ROBO2: variants seen among roughly 807,000 people sequenced by gnomAD.
ROBO2 encodes roundabout homolog 2.
ROBO2 carries 53 observed loss-of-function variants against 160.8 expected under a neutral mutation model. The observed-to-expected ratio is 0.33, with a 90% confidence interval of 0.26 to 0.41. ROBO2 has a LOEUF of 0.41. Ranked by LOEUF, ROBO2 falls within the 10% of genes least tolerant of loss-of-function variation. ROBO2 has a pLI of 1.00. For synonymous variants in ROBO2, 664 were observed against 611.7 expected (o/e 1.09, Z -1.26); for missense variants, 1,577 against 1,722.4 (o/e 0.92, Z 1.49).
At chr3:76,821,430 C>G (rs1026404004) in intron 2 of ROBO2, among the ~76,000 whole-genome samples, 4 of 152,006 alleles carry the variant, frequency 2.6e-5, no homozygotes, top group African/African-American at 9.7e-5. Context: ...AGGCTACGAA[C>G]TGAAACTCAA....
intron 2 of ROBO2, among the ~76,000 whole-genome samples, chr3:76,002,725 A>T (rs2107572347): frequency 6.6e-6 from 1 of 152,254 alleles, no homozygotes; most frequent in Admixed American, 6.5e-5. Context: ...AACAGACTAA[A>T]ACACCAAGAA....
chr3:77,281,447 A>G (rs2060233497), intron 2 of ROBO2, among the ~76,000 whole-genome samples: 1 of 152,070 alleles, frequency 6.6e-6, no homozygotes, highest in South Asian at 2.1e-4. Context: ...TACTGTCTCT[A>G]TATGAAGACT....
intron 2 of ROBO2, among the ~76,000 whole-genome samples, chr3:77,173,667 A>G (rs2150764530): frequency 6.6e-6 from 1 of 152,100 alleles, no homozygotes; most frequent in East Asian, 1.9e-4. Flanking sequence ...GTATAAATTT[A>G]TTCTAAGGCA....
At chr3:76,476,878 G>A (rs920036927) in intron 2 of ROBO2, among the ~76,000 whole-genome samples, 16 of 152,162 alleles carry the variant, frequency 1.1e-4, no homozygotes, top group Non-Finnish European at 2.4e-4. Flanking sequence ...TCTGGAGGCA[G>A]CAAACTCCAA....
chr3:77,490,325 C>T (rs541248036), intron 4 of ROBO2, among the ~76,000 whole-genome samples: 2 of 152,072 alleles, frequency 1.3e-5, no homozygotes. Flanking sequence ...TTCCTGACCT[C>T]GTGATCTGCC....
At chr3:76,148,249 C>A (rs2071995405) in intron 2 of ROBO2, among the ~76,000 whole-genome samples, 1 of 151,998 alleles carries the variant, frequency 6.6e-6, no homozygotes, top group African/African-American at 2.4e-5. Context: ...AACCAACTCT[C>A]AACTACCTGC....
intron 2 of ROBO2, among the ~76,000 whole-genome samples, chr3:76,719,824 C>T (rs1255562558): frequency 6.8e-6 from 1 of 147,722 alleles, no homozygotes; most frequent in African/African-American, 2.5e-5. Flanking sequence ...GCAGAGGTTG[C>T]GGTGAGCTGA....
At chr3:76,252,758 T>TACAC (rs113177987) in intron 2 of ROBO2, among the ~76,000 whole-genome samples, 57 of 53,630 alleles carry the variant, frequency 1.1e-3, no homozygotes, top group Non-Finnish European at 1.8e-3. Flanking sequence ...TGTATATGTA[T>TACAC]ACACACACAC....
intron 2 of ROBO2, among the ~76,000 whole-genome samples, chr3:76,576,681 C>A (rs2085311196): frequency 1.6e-5 from 2 of 127,760 alleles, no homozygotes; most frequent in East Asian, 2.3e-4. Context: ...ATTATTTTTA[C>A]AGTTTAAATC....
intron 22 of ROBO2, 46 bp from the exon 24 acceptor site, chr3:77,622,181 A>G (rs1234313903): frequency 2.3e-5 from 35 of 1,532,636 alleles, no homozygotes; most frequent in Non-Finnish European, 3.1e-5. Flanking sequence ...ATTTTGTTGC[A>G]TGTTAATAAG....
At chr3:77,185,929 C>T (rs371569798) in intron 2 of ROBO2, among the ~76,000 whole-genome samples, 15 of 151,880 alleles carry the variant, frequency 9.9e-5, no homozygotes, top group African/African-American at 3.6e-4. Flanking sequence ...AGCTCAGGAG[C>T]GGAAAACCAG....
intron 2 of ROBO2, among the ~76,000 whole-genome samples, chr3:76,563,088 C>T (rs568645530): frequency 2.7e-4 from 41 of 152,112 alleles, no homozygotes; most frequent in South Asian, 8.3e-4. Flanking sequence ...TTTGCCTATC[C>T]TTTCTCAAAC....
chr3:77,463,435 T>C (rs927093665), intron 2 of ROBO2, among the ~76,000 whole-genome samples: 10 of 152,136 alleles, frequency 6.6e-5, no homozygotes, highest in Admixed American at 1.3e-4. Context: ...TTTAGAATTA[T>C]ATTATATATA....
intron 2 of ROBO2, among the ~76,000 whole-genome samples, chr3:76,756,407 A>G (rs554812169): frequency 8.6e-5 from 13 of 152,026 alleles, no homozygotes; most frequent in Admixed American, 7.2e-4. Flanking sequence ...AGAATAAAGT[A>G]TGTCTATTCT....
At chr3:76,406,100 G>A (rs918802919) in intron 2 of ROBO2, among the ~76,000 whole-genome samples, 1 of 151,426 alleles carries the variant, frequency 6.6e-6, no homozygotes, top group African/African-American at 2.4e-5. Context: ...TTTCATTTCA[G>A]TATTGATTGT....
chr3:77,386,603 ATT>A (rs71104679), intron 2 of ROBO2, among the ~76,000 whole-genome samples: 8 of 91,884 alleles, frequency 8.7e-5, no homozygotes, highest in Admixed American at 1.6e-4. Context: ...CAGCCAGGTA[ATT>A]TTTTTTTTTT....
chr3:76,693,665 A>T (rs73841958), intron 2 of ROBO2, among the ~76,000 whole-genome samples: 1 of 152,084 alleles, frequency 6.6e-6, no homozygotes, highest in East Asian at 1.9e-4. Flanking sequence ...TTGATCGTGT[A>T]TCTCTCAATC....
intron 2 of ROBO2, among the ~76,000 whole-genome samples, chr3:77,414,156 T>C (rs1581753567): frequency 6.6e-6 from 1 of 152,158 alleles, no homozygotes; most frequent in East Asian, 1.9e-4. Context: ...TCTTATTCTG[T>C]TGGCCAAATG....
intron 2 of ROBO2, among the ~76,000 whole-genome samples, chr3:77,215,492 T>C (rs2084804523): frequency 6.6e-6 from 1 of 152,172 alleles, no homozygotes; most frequent in Non-Finnish European, 1.5e-5. Context: ...TAATTTTTTT[T>C]CAAGGTTTTT....
Sources: allele counts gnomAD v4.1 joint callset (sites outside exome capture counted in the v4.1 genomes callset), GRCh38; gene constraint gnomAD v4.1.1; transcripts MANE v1.5; gene names NCBI Gene and HGNC (gene_info 2026-07-23, HGNC 2026-07-21).